RNF123: variants seen among roughly 807,000 people sequenced by gnomAD.
The protein encoded by RNF123 is ring finger protein 123.
In RNF123, 86 loss-of-function variants were observed where a neutral mutation model predicts 168.5. The observed-to-expected ratio is 0.51, with a 90% CI of 0.43 to 0.61. RNF123 has a LOEUF of 0.61. Among genes scored for constraint, RNF123 ranks in the 20% least tolerant of loss-of-function variants. The pLI is 0.00. For synonymous variants in RNF123, 666 were observed against 689.1 expected (o/e 0.97, Z 0.52); for missense variants, 1,419 against 1,729.7 (o/e 0.82, Z 3.19).
At position 49,704,741 on chromosome 3, in the gene RNF123, C is replaced by G; in HGVS notation, c.1944C>G (p.Ala648=). Residue 648 remains alanine (A), a synonymous_variant, in exon 22 of 39, where the codon GCC becomes GCG. Coordinates refer to ENST00000327697, the MANE Select transcript of RNF123 (RefSeq NM_022064.5). ...ACCTAGATGAGGATGAGGAGCCAGC[C>G]CCAGCTATGGCCCAGGTGCCGCAGT... The part of the protein sequence containing the change: ...MDDLDEDEEP[A]PAMAQRPMQA... The G allele has an allele frequency of 5.1e-6, 8 of 1,582,904 alleles. No homozygotes were observed. The highest frequency in any genetic ancestry group is 6.9e-6 in the Non-Finnish European group (8 of 1,164,134).
rs545132196 is a variant in RNF123 at position 49,691,045 on chromosome 3, C to T, written c.-36-85C>T. Reference sequence around the variant, plus strand: ...GCATGCCCCTGGCCTCACCTGCTCCCAAGCCTTCCTGCCATGGCAGGACTG... The same window carrying T: ...GCATGCCCCTGGCCTCACCTGCTCCTAAGCCTTCCTGCCATGGCAGGACTG... On this transcript the variant is annotated intron_variant, in intron 1 of 38. Transcript: ENST00000327697. 12 of 791,876 alleles carry T rather than the reference C, an allele frequency of 1.5e-5. No individual in the cohort carries two copies. In the Admixed American group the frequency reaches 2.2e-4, roughly 14 times the overall value. 49.1% of individuals were successfully genotyped at this position (791,876 alleles called of 1,614,324 possible). A position where few individuals can be genotyped will look rare whatever the true frequency, so the allele number is the denominator to read the frequency against.
chr3:49,709,986 C>T (rs188131188), intron 26 of RNF123, among the ~76,000 whole-genome samples: 20 of 152,156 alleles, frequency 1.3e-4, no homozygotes, highest in East Asian at 3.9e-4. Flanking sequence ...ATATCCTTAC[C>T]GACACTTCTT....
chr3:49,718,322 T>C (rs1312259393), intron 35 of RNF123: 1 of 1,613,344 alleles, frequency 6.2e-7, no homozygotes, highest in Admixed American at 1.7e-5. Flanking sequence ...AAGCCTGTGT[T>C]GAAAGCCTCG....
intron 27 of RNF123, 51 bp from the exon 28 acceptor site, chr3:49,713,462 C>T: frequency 6.5e-7 from 1 of 1,535,156 alleles, no homozygotes; most frequent in Non-Finnish European, 8.9e-7. Context: ...GACATGCCTG[C>T]CTCTGGAGCC....
chr3:49,698,640 G>A, intron 8 of RNF123, 114 bp downstream of exon 8: 2 of 1,534,718 alleles, frequency 1.3e-6, no homozygotes, highest in South Asian at 2.3e-5. Flanking sequence ...CAGGGACCCA[G>A]GTCCTTTGTC....
chr3:49,717,880 C>G, intron 35 of RNF123: 3 of 1,514,094 alleles, frequency 2.0e-6, no homozygotes, highest in South Asian at 1.3e-5. Context: ...TCTGCCAGTT[C>G]TCTGGACCGA....
chr3:49,706,176 C>T, intron 25 of RNF123, 111 bp downstream of exon 25: 3 of 943,790 alleles, frequency 3.2e-6, no homozygotes, highest in Non-Finnish European at 5.0e-6. Context: ...CACTCTAGCC[C>T]TGGCCATAGC....
intron 28 of RNF123, 44 bp from the exon 29 acceptor site, chr3:49,713,694 G>C (rs1429289322): frequency 6.3e-7 from 1 of 1,574,844 alleles, no homozygotes. Context: ...TATGGGTCCA[G>C]GGCTCATGCC....
At position 49,705,020 on chromosome 3, in the gene RNF123, C is replaced by T; in HGVS notation, c.1996C>T (p.Pro666Ser). Residue 666 changes from proline to serine, a missense_variant, in exon 23 of 39, where the codon CCC (proline) becomes TCC (serine). Coordinates refer to ENST00000327697, the MANE Select transcript of RNF123 (RefSeq NM_022064.5). ...GGCCCTGGCTGTTGGGGGGCCACTGCCCCTGCCCCGGCCCGGCTGGCTCAG... is the reference window on the plus strand; with the variant it reads ...GGCCCTGGCTGTTGGGGGGCCACTGTCCCTGCCCCGGCCCGGCTGGCTCAG... The part of the protein sequence containing the change: ...MQALAVGGPL[P>S]LPRPGWLSSP... 1 of 1,609,220 alleles carries T rather than the reference C, an allele frequency of 6.2e-7. No homozygotes were observed. The highest frequency in any genetic ancestry group is 1.1e-5 in the South Asian group (1 of 90,298).
intron 21 of RNF123, among the ~76,000 whole-genome samples, chr3:49,704,284 A>G (rs1486831715): frequency 6.6e-6 from 1 of 152,030 alleles, no homozygotes; most frequent in African/African-American, 2.4e-5. Context: ...TTGTTTATGG[A>G]GTAGTCAGAG....
intron 3 of RNF123, among the ~76,000 whole-genome samples, chr3:49,696,772 G>A (rs933875408): frequency 2.7e-5 from 4 of 150,512 alleles, no homozygotes; most frequent in African/African-American, 4.9e-5. Flanking sequence ...TCTGTCTCCC[G>A]AGTAGCTGGG....
At chr3:49,691,665 G>A (rs1465945039) in intron 3 of RNF123, among the ~76,000 whole-genome samples, 156 bp downstream of exon 3, 1 of 152,226 alleles carries the variant, frequency 6.6e-6, no homozygotes, top group South Asian at 2.1e-4. Flanking sequence ...CAGAGAGTCT[G>A]CCTTCCGTAC....
intron 17 of RNF123, 48 bp from the exon 18 acceptor site, chr3:49,702,035 C>A (rs751548578): frequency 6.3e-7 from 1 of 1,598,654 alleles, no homozygotes; most frequent in South Asian, 1.1e-5. Context: ...CCAAACCTGC[C>A]CCCCATCTCC....
chr3:49,716,537 G>A, intron 35 of RNF123, 60 bp downstream of exon 35: 2 of 1,388,530 alleles, frequency 1.4e-6, no homozygotes, highest in Non-Finnish European at 2.0e-6. Flanking sequence ...AGGAGGGGCT[G>A]GACAGGGCCT....
chr3:49,702,354 C>A lies in RNF123; in HGVS notation c.1578C>A (p.Ile526=). 1 of 1,614,220 alleles carries A rather than the reference C, an allele frequency of 6.2e-7. No homozygotes were observed. Among genetic ancestry groups the A allele is most frequent in the East Asian group, 2.2e-5 (1 of 44,888 alleles). ...DDNGGEASRY[I]FLTKFRKFLQ... is the part of the protein sequence containing the mutation. ...CAAAGGGTGAAGCTTCTAGGTATATCTTCCTGACCAAGTTTCGCAAGTTTC... is the reference window on the plus strand; with the variant it reads ...CAAAGGGTGAAGCTTCTAGGTATATATTCCTGACCAAGTTTCGCAAGTTTC... The change falls in exon 19 of 39, where the codon ATC becomes ATA. Residue 526 remains isoleucine (I), a synonymous_variant. Coordinates refer to ENST00000327697, the MANE Select transcript of RNF123 (RefSeq NM_022064.5).
rs74462720 is a variant in RNF123, at chr3:49,700,085, G to A, written c.985-142G>A. 3.0e-3 allele frequency: 3,618 copies of A among 1,222,510 alleles called. 63 individuals carry two copies. The African/African-American group carries it at 0.039, about 13-fold the overall frequency. 75.7% of individuals were successfully genotyped at this position (1,222,510 alleles called of 1,614,324 possible). A position where few individuals can be genotyped will look rare whatever the true frequency, so the allele number is the denominator to read the frequency against. On this transcript the variant is annotated intron_variant, in intron 12 of 38. Transcript: ENST00000327697. The stretch of plus-strand genomic sequence containing the variant: ...CCTTCTTGTCCCTCAGTCAGACCCC[G>A]GAAGGGGTCATCTATGTTTGGTGTT...
intron 1 of RNF123, among the ~76,000 whole-genome samples, chr3:49,690,256 C>T (rs2054115420): frequency 6.6e-6 from 1 of 152,242 alleles, no homozygotes; most frequent in South Asian, 2.1e-4. Context: ...GAACGTTCTA[C>T]CTTTGTGCTG....
chr3:49,718,562 TGTTGCA>T, intron 35 of RNF123: 2 of 1,613,058 alleles, frequency 1.2e-6, no homozygotes, highest in East Asian at 2.2e-5. Context: ...GGGACGCTGG[TGTTGCA>T]GTAAAGCCTC....
chr3:49,700,121 C>A, intron 12 of RNF123, 106 bp from the exon 13 acceptor site: 1 of 1,520,250 alleles, frequency 6.6e-7, no homozygotes, highest in Non-Finnish European at 8.9e-7. Flanking sequence ...GCTCGAGTGG[C>A]TCAAGGCTCT....
Sources: gnomAD v4.1 joint callset for allele counts (sites outside exome capture counted in the v4.1 genomes callset) on GRCh38, gnomAD v4.1.1 for gene constraint, MANE v1.5 for transcripts, NCBI Gene and HGNC (gene_info 2026-07-23, HGNC 2026-07-21) for gene names.